Variants in FERMT2 observed in about 807,000 individuals in gnomAD.
The protein encoded by FERMT2 is FERM domain containing kindlin 2, also known as fermitin family homolog 2.
Under a neutral mutation model 82.7 loss-of-function variants are expected in FERMT2, and 15 were observed. The ratio of observed to expected loss-of-function variants is 0.18; its 90% CI spans 0.12 to 0.28. The LOEUF is 0.28. FERMT2 is among the 10% of genes least tolerant of loss of function. FERMT2 has a pLI of 1.00. For synonymous variants in FERMT2, 274 were observed against 271.5 expected (o/e 1.01, Z -0.09); for missense variants, 645 against 809.4 (o/e 0.80, Z 2.46).
Position 52,857,773 on chromosome 14 carries a change from G to C in FERMT2, c.*604C>G, listed in dbSNP as rs1884656934. 1 of 152,702 alleles carries C rather than the reference G, an allele frequency of 6.5e-6. No individual in the cohort carries two copies. Among genetic ancestry groups the C allele is most frequent in the African/African-American group, 2.4e-5 (1 of 41,392 alleles). 9.5% of individuals were successfully genotyped at this position (152,702 alleles called of 1,614,324 possible). On this transcript the variant is annotated 3_prime_UTR_variant, in exon 15 of 15. Transcript: ENST00000341590. ...AATACTAAAAGTGTAATACAATATG[G>C]TGTAAAAATAAAAACACGAGACAAT...
At chr14:52,941,790 A>G (rs1890100986) in intron 2 of FERMT2, among the ~76,000 whole-genome samples, 2 of 152,216 alleles carry the variant, frequency 1.3e-5, no homozygotes, top group Non-Finnish European at 2.9e-5. Context: ...AATGAACTAA[A>G]AACACTGCTC....
At chr14:52,904,611 T>C (rs1237208883) in intron 3 of FERMT2, among the ~76,000 whole-genome samples, 3 of 151,882 alleles carry the variant, frequency 2.0e-5, no homozygotes, top group Non-Finnish European at 4.4e-5. Flanking sequence ...GAGAATCGCC[T>C]GAACCTGGGA....
intron 12 of FERMT2, 175 bp from the exon 13 acceptor site, chr14:52,860,640 A>G (rs1412332642): frequency 1.6e-6 from 1 of 610,134 alleles, no homozygotes. Flanking sequence ...ATGTATAAGG[A>G]TTTTTCAAAA....
chr14:52,887,199 G>A (rs905602395), intron 4 of FERMT2, among the ~76,000 whole-genome samples: 10 of 150,822 alleles, frequency 6.6e-5, no homozygotes, highest in African/African-American at 2.2e-4. Context: ...GCAATGGTGC[G>A]ATCTTGGCTC....
intron 3 of FERMT2, among the ~76,000 whole-genome samples, chr14:52,895,556 T>C (rs1339755700): frequency 6.6e-6 from 1 of 152,196 alleles, no homozygotes; most frequent in Admixed American, 6.5e-5. Context: ...AAATTTATTA[T>C]ATTAAGTGGA....
At chr14:52,923,103 T>C (rs1889053526) in intron 2 of FERMT2, among the ~76,000 whole-genome samples, 2 of 152,064 alleles carry the variant, frequency 1.3e-5, no homozygotes, top group African/African-American at 4.8e-5. Flanking sequence ...TATAGTAAAA[T>C]TAAGGTATTA....
intron 4 of FERMT2, among the ~76,000 whole-genome samples, chr14:52,891,898 A>G (rs2139539205): frequency 6.6e-6 from 1 of 152,308 alleles, no homozygotes; most frequent in South Asian, 2.1e-4. Context: ...TGCCTGCTGA[A>G]TGCCATATGC....
chr14:52,902,893 C>CAAAAAAAAAAAAA (rs1887753385), intron 3 of FERMT2, among the ~76,000 whole-genome samples: 1 of 36,942 alleles, frequency 2.7e-5, no homozygotes, highest in Non-Finnish European at 6.0e-5. Flanking sequence ...AAAAAAAAAC[C>CAAAAAAAAAAAAA]CCAAAACACT....
chr14:52,899,379 C>CTTGG (rs960638102), intron 3 of FERMT2, among the ~76,000 whole-genome samples: 1 of 152,136 alleles, frequency 6.6e-6, no homozygotes, highest in African/African-American at 2.4e-5. Flanking sequence ...GCCTCCTGGG[C>CTTGG]TCAAGCGATT....
intron 3 of FERMT2, among the ~76,000 whole-genome samples, chr14:52,906,596 T>C (rs1015879104): frequency 1.3e-5 from 2 of 151,880 alleles, no homozygotes; most frequent in African/African-American, 4.8e-5. Context: ...TTGTAATAGC[T>C]ATATAAAAAT....
chr14:52,912,204 C>G (rs1594983125), intron 3 of FERMT2, among the ~76,000 whole-genome samples: 1 of 152,166 alleles, frequency 6.6e-6, no homozygotes, highest in Non-Finnish European at 1.5e-5. Context: ...GGTATCTGCT[C>G]CTTCATGTAA....
intron 10 of FERMT2, among the ~76,000 whole-genome samples, chr14:52,869,589 C>T (rs1387093292): frequency 6.6e-6 from 1 of 152,194 alleles, no homozygotes; most frequent in African/African-American, 2.4e-5. Flanking sequence ...CAAACCTATT[C>T]TGCTGCCAGT....
chr14:52,865,354 G>A (rs1885208346), intron 10 of FERMT2, among the ~76,000 whole-genome samples: 1 of 152,154 alleles, frequency 6.6e-6, no homozygotes. Flanking sequence ...CTTTACAGAA[G>A]GGAGTGCAGA....
At chr14:52,901,673 T>A (rs1887660279) in intron 3 of FERMT2, among the ~76,000 whole-genome samples, 1 of 152,178 alleles carries the variant, frequency 6.6e-6, no homozygotes, top group African/African-American at 2.4e-5. Flanking sequence ...CTCTAGGAGC[T>A]GAGAATGACC....
intron 3 of FERMT2, 103 bp from the exon 4 acceptor site, chr14:52,893,530 T>G: frequency 1.2e-6 from 1 of 861,984 alleles, no homozygotes; most frequent in East Asian, 2.5e-5. Context: ...CTTCCTTCTG[T>G]ATGTCTGAGT....
intron 3 of FERMT2, among the ~76,000 whole-genome samples, chr14:52,902,948 A>G (rs919068400): frequency 6.7e-6 from 1 of 149,892 alleles, no homozygotes; most frequent in Non-Finnish European, 1.5e-5. Flanking sequence ...AAAAAATCCA[A>G]TATAAAGTCA....
intron 10 of FERMT2, among the ~76,000 whole-genome samples, chr14:52,866,290 G>A (rs1047912110): frequency 1.3e-5 from 2 of 152,124 alleles, no homozygotes; most frequent in Admixed American, 6.6e-5. Flanking sequence ...CCCAATTAGT[G>A]TACATCTGAA....
intron 3 of FERMT2, 129 bp from the exon 4 acceptor site, chr14:52,893,556 T>TATGACACA: frequency 8.9e-6 from 6 of 670,710 alleles, no homozygotes; most frequent in Non-Finnish European, 1.5e-5. Flanking sequence ...CAGACATTGA[T>TATGACACA]GTCATGCAAA....
intron 3 of FERMT2, among the ~76,000 whole-genome samples, chr14:52,909,382 T>C (rs1487529716): frequency 6.6e-6 from 1 of 152,180 alleles, no homozygotes; most frequent in Non-Finnish European, 1.5e-5. Flanking sequence ...TGGAAAGAGC[T>C]TGTCCTTGAA....
Sources: gnomAD v4.1 joint callset for allele counts (sites outside exome capture counted in the v4.1 genomes callset) on GRCh38, gnomAD v4.1.1 for gene constraint, MANE v1.5 for transcripts, NCBI Gene and HGNC (gene_info 2026-07-23, HGNC 2026-07-21) for gene names.